The following MBD5 variants were observed in gnomAD, a reference collection of about 807,000 sequenced individuals.
The protein encoded by MBD5 is methyl-CpG binding domain protein 5, also known as methyl-CpG-binding domain protein 5.
In MBD5, 13 loss-of-function variants were observed where a neutral mutation model predicts 117.3. The observed-to-expected ratio is 0.11, with a 90% confidence interval of 0.07 to 0.18. The LOEUF (loss-of-function observed/expected upper bound fraction) is 0.18, where lower values mean the gene tolerates loss of function less well. MBD5 is among the 10% of genes least tolerant of loss of function. The pLI is 1.00. For synonymous variants in MBD5, 727 were observed against 766.4 expected (o/e 0.95, Z 0.85); for missense variants, 1,879 against 2,093.8 (o/e 0.90, Z 2.00).
intron 1 of MBD5, among the ~76,000 whole-genome samples, chr2:148,082,675 A>ACAC (rs1198253736): frequency 6.6e-6 from 1 of 152,216 alleles, no homozygotes; most frequent in East Asian, 1.9e-4. Context: ...CAGTAGGCTC[A>ACAC]CACATCTACA....
intron 1 of MBD5, among the ~76,000 whole-genome samples, chr2:148,035,126 CCTATTA>C (rs1460207274): frequency 1.3e-5 from 2 of 151,872 alleles, no homozygotes; most frequent in African/African-American, 4.8e-5. Flanking sequence ...TTCCTTCTCT[CCTATTA>C]CTAATAGCAT....
At chr2:148,249,044 A>G (rs1345881184) in intron 3 of MBD5, among the ~76,000 whole-genome samples, 2 of 152,276 alleles carry the variant, frequency 1.3e-5, no homozygotes, top group East Asian at 1.9e-4. Flanking sequence ...AAGCAAAACT[A>G]TACAAATTTT....
At chr2:148,217,609 A>G (rs1469596419) in intron 2 of MBD5, among the ~76,000 whole-genome samples, 3 of 152,092 alleles carry the variant, frequency 2.0e-5, no homozygotes, top group Non-Finnish European at 4.4e-5. Context: ...TGTTGTTGCC[A>G]TTTCATATGT....
At chr2:148,355,302 C>CT (rs775202893) in intron 4 of MBD5, among the ~76,000 whole-genome samples, 1,917 of 129,830 alleles carry the variant, frequency 0.015, 21 homozygotes, top group African/African-American at 0.042. Flanking sequence ...TCGATTTTGG[C>CT]TTTTTTTTTT....
At chr2:148,130,647 T>C (rs1329304468) in intron 1 of MBD5, among the ~76,000 whole-genome samples, 2 of 151,966 alleles carry the variant, frequency 1.3e-5, no homozygotes, top group Non-Finnish European at 1.5e-5. Context: ...TGACTCCTCA[T>C]CAGGGGAGAC....
intron 1 of MBD5, among the ~76,000 whole-genome samples, chr2:148,049,407 A>G (rs1042201691): frequency 6.6e-6 from 1 of 152,224 alleles, no homozygotes; most frequent in Non-Finnish European, 1.5e-5. Flanking sequence ...CTGTATTTCT[A>G]GCTAGTTAGG....
At chr2:148,119,201 C>T (rs966904683) in intron 1 of MBD5, among the ~76,000 whole-genome samples, 7 of 151,962 alleles carry the variant, frequency 4.6e-5, no homozygotes, top group Admixed American at 1.3e-4. Flanking sequence ...TTTTTATTGT[C>T]GCCATTTTAG....
chr2:148,121,134 T>G (rs1696759064), intron 1 of MBD5, among the ~76,000 whole-genome samples: 1 of 152,180 alleles, frequency 6.6e-6, no homozygotes, highest in Non-Finnish European at 1.5e-5. Flanking sequence ...TTGGACAACT[T>G]TAACTTCTGT....
At chr2:148,322,439 T>A (rs1702306244) in intron 3 of MBD5, among the ~76,000 whole-genome samples, 1 of 152,232 alleles carries the variant, frequency 6.6e-6, no homozygotes. Context: ...AATAAATGTT[T>A]GTTAAATTTC....
chr2:148,304,133 TA>T (rs1701836475), intron 3 of MBD5, among the ~76,000 whole-genome samples: 1 of 152,190 alleles, frequency 6.6e-6, no homozygotes, highest in South Asian at 2.1e-4. Context: ...AGAGTCAATG[TA>T]AGTAGTAATA....
chr2:148,241,157 G>C (rs558924266), intron 3 of MBD5, among the ~76,000 whole-genome samples: 2 of 151,984 alleles, frequency 1.3e-5, no homozygotes, highest in Non-Finnish European at 2.9e-5. Context: ...ACACACTGTA[G>C]AGACTCTAGA....
At chr2:148,154,970 A>G (rs1471926881) in intron 1 of MBD5, among the ~76,000 whole-genome samples, 1 of 152,148 alleles carries the variant, frequency 6.6e-6, no homozygotes, top group Non-Finnish European at 1.5e-5. Context: ...ATAAATATTT[A>G]TTGAGTTCTT....
chr2:148,164,663 T>C (rs138368938), intron 1 of MBD5, among the ~76,000 whole-genome samples: 527 of 152,324 alleles, frequency 3.5e-3, no homozygotes, highest in East Asian at 8.1e-3. Context: ...TTCTTCCTTG[T>C]AATTCTTGCT....
chr2:148,090,223 A>G (rs1695900806), intron 1 of MBD5, among the ~76,000 whole-genome samples: 1 of 152,148 alleles, frequency 6.6e-6, no homozygotes, highest in African/African-American at 2.4e-5. Flanking sequence ...AAAAAAGTCC[A>G]GAACCAGATG....
chr2:148,419,484 A>G (rs1214162630), intron 4 of MBD5, among the ~76,000 whole-genome samples: 5 of 152,078 alleles, frequency 3.3e-5, no homozygotes, highest in African/African-American at 9.7e-5. Flanking sequence ...AAAATAACTT[A>G]CTTTTTTCAG....
At chr2:148,506,156 A>C (rs1180554633) in intron 12 of MBD5, among the ~76,000 whole-genome samples, 1 of 152,236 alleles carries the variant, frequency 6.6e-6, no homozygotes, top group Non-Finnish European at 1.5e-5. Flanking sequence ...CTGTACAACA[A>C]ATAAATATCT....
intron 4 of MBD5, among the ~76,000 whole-genome samples, chr2:148,383,955 G>A (rs144972471): frequency 0.51 from 77,685 of 151,384 alleles, 20,084 homozygotes; most frequent in East Asian, 0.75. Context: ...TGGATGGGAT[G>A]TATCTCAAAA....
At chr2:148,494,662 G>A (rs1246311266) in intron 11 of MBD5, among the ~76,000 whole-genome samples, 1 of 152,146 alleles carries the variant, frequency 6.6e-6, no homozygotes, top group East Asian at 1.9e-4. Flanking sequence ...TTAACAATTT[G>A]TAATAAAGTA....
chr2:148,439,718 A>G (rs996750562), intron 4 of MBD5, among the ~76,000 whole-genome samples: 1 of 150,096 alleles, frequency 6.7e-6, no homozygotes, highest in African/African-American at 2.5e-5. Context: ...TGCAATTGTC[A>G]CCTATGTTCA....
Sources: allele counts gnomAD v4.1 joint callset (sites outside exome capture counted in the v4.1 genomes callset), GRCh38; gene constraint gnomAD v4.1.1; transcripts MANE v1.5; gene names NCBI Gene and HGNC (gene_info 2026-07-23, HGNC 2026-07-21).